The following TENM2 variants were observed in gnomAD, a reference collection of about 807,000 sequenced individuals.
TENM2 encodes teneurin-2.
A neutral mutation model predicts 245.2 loss-of-function variants in TENM2; 52 were observed. The observed-to-expected ratio is 0.21, with a 90% confidence interval of 0.17 to 0.27. The LOEUF (loss-of-function observed/expected upper bound fraction) is 0.27. TENM2 is among the 10% of genes least tolerant of loss of function. TENM2 has a pLI of 1.00. For synonymous variants in TENM2, 1,363 were observed against 1,438.9 expected, an observed-to-expected ratio of 0.95 and a Z score of 1.19; for missense variants, 3,046 against 3,666.8, an observed-to-expected ratio of 0.83 and a Z score of 4.37.
chr5:167,353,514 T>TTTG (rs1561886624), intron 1 of TENM2, among the ~76,000 whole-genome samples: 3,796 of 125,708 alleles, frequency 0.03, 219 homozygotes, highest in African/African-American at 0.11. Flanking sequence ...TTTTTTTTTT[T>TTTG]TTTTTTTTTT....
chr5:167,680,282 G>C (rs78951749), intron 2 of TENM2, among the ~76,000 whole-genome samples: 2,156 of 149,086 alleles, frequency 0.014, 46 homozygotes, highest in African/African-American at 0.051. Context: ...GGACTTTTGG[G>C]AAAAATTATG....
intron 2 of TENM2, among the ~76,000 whole-genome samples, chr5:167,662,276 A>T (rs1222566065): frequency 6.6e-6 from 1 of 152,134 alleles, no homozygotes; most frequent in Non-Finnish European, 1.5e-5. Flanking sequence ...AGACTCAGAG[A>T]TCTGCTCATT....
chr5:167,728,059 G>A (rs984849918), intron 2 of TENM2, among the ~76,000 whole-genome samples: 1 of 152,162 alleles, frequency 6.6e-6, no homozygotes, highest in Non-Finnish European at 1.5e-5. Flanking sequence ...TCAAGCCTGG[G>A]TTACTTGAAA....
At chr5:167,397,572 G>C (rs1231191281) in intron 2 of TENM2, among the ~76,000 whole-genome samples, 1 of 152,028 alleles carries the variant, frequency 6.6e-6, no homozygotes, top group African/African-American at 2.4e-5. Flanking sequence ...TTCTTATTTT[G>C]AAGAGATTAA....
chr5:167,431,218 C>G lies in TENM2; in HGVS notation c.502+55745C>G, dbSNP rs79585925. 4.0e-3 allele frequency among the ~76,000 whole-genome samples: 614 copies of G among 152,090 alleles called. 11 individuals carry two copies. The highest frequency in any genetic ancestry group is 0.014 in the African/African-American group (596 of 41,504). On this transcript the variant is annotated intron_variant, in intron 2 of 28. Coordinates refer to ENST00000518659, the Ensembl canonical transcript of TENM2. ...ATTATCAATTTCTTTTTATCTGAAC[C>G]ATTACATATGGAAGAAAATGATGTA...
the TENM2 span, among the ~76,000 whole-genome samples, chr5:167,154,947 C>T: frequency 1.3e-5 from 2 of 152,162 alleles, no homozygotes; most frequent in Non-Finnish European, 1.5e-5. Flanking sequence ...GCATAAAAGT[C>T]GTACATATTG....
intron 2 of TENM2, among the ~76,000 whole-genome samples, chr5:167,853,524 A>G (rs890289055): frequency 9.2e-5 from 14 of 152,142 alleles, no homozygotes; most frequent in Admixed American, 7.2e-4. Flanking sequence ...CACTCATAAC[A>G]TACTTTCAAG....
chr5:167,968,028 A>G (rs561746519), intron 4 of TENM2, among the ~76,000 whole-genome samples: 1 of 152,272 alleles, frequency 6.6e-6, no homozygotes, highest in South Asian at 2.1e-4. Flanking sequence ...ACTTTTCTGA[A>G]GGCACCTTTG....
At chr5:167,076,618 G>A in the TENM2 span, among the ~76,000 whole-genome samples, 1 of 152,002 alleles carries the variant, frequency 6.6e-6, no homozygotes, top group African/African-American at 2.4e-5. Flanking sequence ...CATAATAGTC[G>A]CTATATACTA....
chr5:167,977,772 C>G (rs1782547101), intron 4 of TENM2, among the ~76,000 whole-genome samples: 1 of 152,174 alleles, frequency 6.6e-6, no homozygotes, highest in Non-Finnish European at 1.5e-5. Flanking sequence ...TCATTTTCTA[C>G]ATTTAGAAAA....
At chr5:167,322,095 G>A (rs950002291) in intron 1 of TENM2, among the ~76,000 whole-genome samples, 3 of 152,008 alleles carry the variant, frequency 2.0e-5, no homozygotes, top group Non-Finnish European at 2.9e-5. Flanking sequence ...GCCTCCCAAA[G>A]TGCTGGCATG....
chr5:167,293,368 A>ATTTTTTTTTTTTTTT (rs199972172), intron 1 of TENM2, among the ~76,000 whole-genome samples: 8 of 130,540 alleles, frequency 6.1e-5, no homozygotes, highest in African/African-American at 1.7e-4. Flanking sequence ...TGTCCGGCTA[A>ATTTTTTTTTTTTTTT]TTTTTTTTTT....
the TENM2 span, among the ~76,000 whole-genome samples, chr5:167,115,419 T>C: frequency 6.6e-6 from 1 of 152,246 alleles, no homozygotes; most frequent in Non-Finnish European, 1.5e-5. Context: ...CCCTGGGTTT[T>C]CTCCTTAAAA....
At chr5:166,988,583 T>G in the TENM2 span, among the ~76,000 whole-genome samples, 1 of 152,204 alleles carries the variant, frequency 6.6e-6, no homozygotes, top group African/African-American at 2.4e-5. Context: ...CAGGTCATGT[T>G]CTCTCTTGTT....
At chr5:167,439,209 A>G (rs1041661061) in intron 2 of TENM2, among the ~76,000 whole-genome samples, 1 of 152,210 alleles carries the variant, frequency 6.6e-6, no homozygotes, top group Non-Finnish European at 1.5e-5. Context: ...TATCTTGATG[A>G]AATAATGTAG....
chr5:168,098,151 A>G lies in TENM2; in HGVS notation c.1813+24A>G, dbSNP rs761423487. The G allele has an allele frequency of 7.6e-6, 12 of 1,571,010 alleles. 1 individual carries two copies. Among genetic ancestry groups the G allele is most frequent in the South Asian group, 3.4e-5 (3 of 89,156 alleles). ...AGGTATGTGCCGCCACTTCCCTGCT[A>G]TGGTTGGAAAACAGACCCTCCCTAG... On this transcript the variant is annotated intron_variant, in intron 9 of 28. Transcript: ENST00000518659.
At chr5:167,777,875 T>G (rs921513416) in intron 2 of TENM2, among the ~76,000 whole-genome samples, 4 of 152,234 alleles carry the variant, frequency 2.6e-5, no homozygotes, top group African/African-American at 7.2e-5. Context: ...ATGTGTGTGC[T>G]TGTCCGAATT....
chr5:167,523,340 G>C (rs761078208), intron 2 of TENM2, among the ~76,000 whole-genome samples: 74 of 152,154 alleles, frequency 4.9e-4, no homozygotes, highest in Non-Finnish European at 9.1e-4. Context: ...CATCATTTCT[G>C]TGGGCAGCAC....
intron 2 of TENM2, among the ~76,000 whole-genome samples, chr5:167,725,903 C>T (rs112893213): frequency 1.6e-4 from 25 of 152,168 alleles, no homozygotes; most frequent in African/African-American, 5.8e-4. Context: ...CTCTACTCAT[C>T]CATTAAGGCC....
Sources: gnomAD v4.1 joint callset for allele counts (sites outside exome capture counted in the v4.1 genomes callset) on GRCh38, gnomAD v4.1.1 for gene constraint, MANE v1.5 for transcripts, NCBI Gene and HGNC (gene_info 2026-07-23, HGNC 2026-07-21) for gene names.